The following ARL15 variants were observed in gnomAD, a reference collection of about 807,000 sequenced individuals.
ARL15 encodes the protein ARF like GTPase 15.
Under a neutral mutation model 25.2 loss-of-function variants are expected in ARL15, and 19 were observed. The ratio of observed to expected loss-of-function variants is 0.75; its 90% CI spans 0.53 to 1.10. The LOEUF (loss-of-function observed/expected upper bound fraction) is 1.10, where lower values mean the gene tolerates loss of function less well. ARL15 is among the 50% of genes least tolerant of loss of function. The pLI, the probability that ARL15 is intolerant of heterozygous loss-of-function variation, is 0.00. For missense variants in ARL15, 220 were observed against 246.0 expected (o/e 0.89, Z 0.71); for synonymous variants, 94 against 86.8 (o/e 1.08, Z -0.46).
intron 4 of ARL15, among the ~76,000 whole-genome samples, chr5:53,890,291 A>T (rs907238801): frequency 6.6e-6 from 1 of 152,154 alleles, no homozygotes; most frequent in Admixed American, 6.5e-5. Flanking sequence ...AACGTAAGTC[A>T]TATACTTAAC....
chr5:53,910,384 G>C (rs545614311), intron 4 of ARL15, among the ~76,000 whole-genome samples: 65 of 151,828 alleles, frequency 4.3e-4, no homozygotes, highest in African/African-American at 1.3e-3. Context: ...TCAATACTAG[G>C]GTCTCAACAT....
intron 4 of ARL15, among the ~76,000 whole-genome samples, chr5:54,062,328 G>A (rs1022817030): frequency 1.3e-5 from 2 of 152,058 alleles, no homozygotes; most frequent in Non-Finnish European, 2.9e-5. Flanking sequence ...TTTGAAATGT[G>A]AGGACATGAA....
intron 2 of ARL15, among the ~76,000 whole-genome samples, chr5:54,164,711 T>C (rs948726848): frequency 4.6e-5 from 7 of 152,032 alleles, no homozygotes; most frequent in African/African-American, 1.7e-4. Flanking sequence ...ATGATGTATC[T>C]TTTTCCACCT....
chr5:54,138,340 G>A (rs941258239), intron 3 of ARL15, among the ~76,000 whole-genome samples: 1 of 152,104 alleles, frequency 6.6e-6, no homozygotes, highest in East Asian at 1.9e-4. Flanking sequence ...AATTACCAAT[G>A]GAACAGGATA....
chr5:54,054,305 T>C (rs1160345316), intron 4 of ARL15, among the ~76,000 whole-genome samples: 4 of 152,242 alleles, frequency 2.6e-5, no homozygotes, highest in Non-Finnish European at 4.4e-5. Context: ...AAAATGGCAC[T>C]GTACTATCTT....
chr5:54,236,789 C>T lies in ARL15; in HGVS notation c.49-64861G>A, dbSNP rs896428841. Among the ~76,000 whole-genome samples, 3 of 152,172 alleles carry T rather than the reference C, an allele frequency of 2.0e-5. No individual in the cohort carries two copies. The South Asian group carries it at 6.2e-4, about 31-fold the overall frequency. On this transcript the variant is annotated intron_variant, in intron 1 of 4. Coordinates refer to ENST00000504924, the MANE Select transcript of ARL15 (RefSeq NM_019087.3). ...TCTTTTATCTATTTTAAGCCTACTT[C>T]CATTAATATTTGTATTTAGACATTT...
At chr5:54,068,837 G>A (rs1023024142) in intron 4 of ARL15, among the ~76,000 whole-genome samples, 1 of 152,180 alleles carries the variant, frequency 6.6e-6, no homozygotes, top group Non-Finnish European at 1.5e-5. Context: ...TTAGGAAAAT[G>A]AGTTCTGGAG....
At chr5:54,056,324 C>A (rs756622118) in intron 4 of ARL15, among the ~76,000 whole-genome samples, 15 of 151,868 alleles carry the variant, frequency 9.9e-5, no homozygotes, top group Non-Finnish European at 1.8e-4. Context: ...GGGGAAGGGG[C>A]GGGGACCTTT....
Position 54,194,192 on chromosome 5 carries a change from C to G in ARL15, c.49-22264G>C, listed in dbSNP as rs966796514. 2.0e-5 allele frequency among the ~76,000 whole-genome samples: 3 copies of G among 152,130 alleles called. No individual in the cohort carries two copies. In the East Asian group the frequency reaches 5.8e-4, roughly 29 times the overall value. ...ATTGTCTAAAAGCTATAACTTCAAT[C>G]AAAGAACTTAAGCATTTTTAAAGCC... On this transcript the variant is annotated intron_variant, in intron 1 of 4. Transcript: ENST00000504924.
chr5:54,228,011 C>A (rs1448501253), intron 1 of ARL15, among the ~76,000 whole-genome samples: 1 of 152,096 alleles, frequency 6.6e-6, no homozygotes, highest in East Asian at 1.9e-4. Context: ...AAGAGAAAGA[C>A]AAGATAGAAG....
intron 4 of ARL15, among the ~76,000 whole-genome samples, chr5:53,933,494 A>C (rs1266559084): frequency 2.0e-5 from 3 of 151,956 alleles, no homozygotes; most frequent in African/African-American, 7.3e-5. Flanking sequence ...AAATACAAAA[A>C]ATTAGCCTGG....
At chr5:54,130,976 A>C (rs1298677441) in intron 3 of ARL15, among the ~76,000 whole-genome samples, 1 of 152,172 alleles carries the variant, frequency 6.6e-6, no homozygotes, top group Non-Finnish European at 1.5e-5. Context: ...AAATGTCTAG[A>C]TGAAATCTGA....
At chr5:53,951,494 G>T in intron 4 of ARL15, 1 of 470,082 alleles carries the variant, frequency 2.1e-6, no homozygotes, top group Non-Finnish European at 4.4e-6. Flanking sequence ...TTGTGGACTG[G>T]CACCAGTCTG....
At chr5:54,243,914 A>AC (rs1757021857) in intron 1 of ARL15, among the ~76,000 whole-genome samples, 1 of 152,184 alleles carries the variant, frequency 6.6e-6, no homozygotes, top group South Asian at 2.1e-4. Flanking sequence ...AGAGATTCGG[A>AC]CCAATCTCTA....
At chr5:53,963,370 C>T (rs1456065032) in intron 4 of ARL15, among the ~76,000 whole-genome samples, 1 of 152,134 alleles carries the variant, frequency 6.6e-6, no homozygotes. Context: ...AACAGTGTTT[C>T]CCAGTAGGAG....
intron 4 of ARL15, among the ~76,000 whole-genome samples, chr5:54,067,630 G>GC: frequency 6.6e-6 from 1 of 152,264 alleles, no homozygotes; most frequent in South Asian, 2.1e-4. Flanking sequence ...CAGAGAAAAC[G>GC]CAAGTGCTCT....
intron 3 of ARL15, among the ~76,000 whole-genome samples, chr5:54,132,798 A>T (rs187401122): frequency 6.6e-6 from 1 of 152,182 alleles, no homozygotes; most frequent in African/African-American, 2.4e-5. Context: ...TGTAGCAGTG[A>T]GAACGACCAG....
In ARL15 at chr5:54,310,529, A is replaced by T. The variant is rs778628891; in HGVS notation, c.-50T>A. ...GGCTCCGAACCCGGAAAAAAAAAGC[A>T]GCGTCTCTGGCTGCGAGCGAGCAGC... On this transcript the variant is annotated 5_prime_UTR_variant, in exon 1 of 5. Coordinates refer to ENST00000504924, the MANE Select transcript of ARL15 (RefSeq NM_019087.3). 2 of 1,559,512 alleles carry T rather than the reference A, an allele frequency of 1.3e-6. No homozygotes were observed. The highest frequency in any genetic ancestry group is 2.4e-5 in the East Asian group (1 of 41,964).
intron 4 of ARL15, among the ~76,000 whole-genome samples, chr5:53,991,977 C>A (rs535730036): frequency 6.6e-6 from 1 of 152,150 alleles, no homozygotes; most frequent in South Asian, 2.1e-4. Context: ...CTAAAGTATG[C>A]GTACACCTTT....
Sources: allele counts gnomAD v4.1 joint callset (sites outside exome capture counted in the v4.1 genomes callset), GRCh38; gene constraint gnomAD v4.1.1; transcripts MANE v1.5; gene names NCBI Gene and HGNC (gene_info 2026-07-23, HGNC 2026-07-21).